TJP2: variants seen among roughly 807,000 people sequenced by gnomAD.
TJP2 encodes the protein Friedreich ataxia region gene X104 (tight junction protein ZO-2).
In TJP2, 91 loss-of-function variants were observed where a neutral mutation model predicts 133.1. That is an observed-to-expected ratio of 0.68 (90% CI 0.58 to 0.81). TJP2 has a LOEUF of 0.81. Ranked by LOEUF, TJP2 falls within the 40% of genes least tolerant of loss-of-function variation. The probability of loss-of-function intolerance (pLI) is 0.00; values close to 1 mark genes in which losing one functional copy is unlikely to be tolerated. For synonymous variants in TJP2, 592 were observed against 583.4 expected, an observed-to-expected ratio of 1.01 and a Z score of -0.21; for missense variants, 1,541 against 1,565.6, an observed-to-expected ratio of 0.98 and a Z score of 0.26.
Position 69,174,287 on chromosome 9 carries a change from C to G in TJP2, c.-86C>G, listed in dbSNP as rs1182032210. 7.7e-6 allele frequency: 12 copies of G among 1,548,830 alleles called. No homozygotes were observed. Among genetic ancestry groups the G allele is most frequent in the Non-Finnish European group, 9.6e-6 (11 of 1,146,178 alleles). On this transcript the variant is annotated 5_prime_UTR_variant, in exon 1 of 23. Transcript: ENST00000377245. ...GTTGGGCTGCGGGTCAGAGCACTGTCCGGTGGTGCCCAGGAGGAGTAGGAG... is the reference window on the plus strand; with the variant it reads ...GTTGGGCTGCGGGTCAGAGCACTGTGCGGTGGTGCCCAGGAGGAGTAGGAG...
intron 1 of TJP2, among the ~76,000 whole-genome samples, chr9:69,191,380 G>A (rs2133064186): frequency 6.6e-6 from 1 of 152,276 alleles, no homozygotes; most frequent in South Asian, 2.1e-4. Context: ...ATGTACTGTT[G>A]TGTTTCTGAG....
intron 2 of TJP2, among the ~76,000 whole-genome samples, chr9:69,163,914 G>T (rs946147301): frequency 2.0e-5 from 3 of 151,978 alleles, no homozygotes; most frequent in Non-Finnish European, 2.9e-5. Flanking sequence ...AGAATCACCT[G>T]GGGGGGCATG....
chr9:69,234,288 T>A (rs1192163250), intron 11 of TJP2, 151 bp from the exon 12 acceptor site: 1 of 656,736 alleles, frequency 1.5e-6, no homozygotes, highest in Admixed American at 3.0e-5. Context: ...AAGGACTCAT[T>A]TGCATCTTGG....
At chr9:69,213,346 C>T (rs537533129) in intron 2 of TJP2, among the ~76,000 whole-genome samples, 7 of 152,308 alleles carry the variant, frequency 4.6e-5, no homozygotes, top group East Asian at 1.9e-4. Context: ...CAGGCGTGAG[C>T]CACCGTGCCC....
In TJP2 at chr9:69,221,431, G is replaced by T; in HGVS notation, c.887G>T (p.Ser296Ile). ...SREHPHSRSPSPEPRGRPGPI... is the reference protein window; with the variant it reads ...SREHPHSRSPIPEPRGRPGPI... Reference sequence around the variant, plus strand: ...GAGCACCCGCACTCACGGAGCCCCAGCCCCGAGCCTAGGGGGCGGCCGGGG... The same window carrying T: ...GAGCACCCGCACTCACGGAGCCCCATCCCCGAGCCTAGGGGGCGGCCGGGG... The change falls in exon 5 of 23, where the codon AGC (serine) becomes ATC (isoleucine). Residue 296 changes from serine to isoleucine, a missense_variant. Transcript: ENST00000377245. 2.5e-6 allele frequency: 4 copies of T among 1,590,170 alleles called. No individual in the cohort carries two copies. The highest frequency in any genetic ancestry group is 3.4e-6 in the Non-Finnish European group (4 of 1,168,262).
At chr9:69,158,327 CAAAAAA>C (rs1156502519) in intron 2 of TJP2, among the ~76,000 whole-genome samples, 1 of 52,768 alleles carries the variant, frequency 1.9e-5, no homozygotes, top group Admixed American at 3.1e-4. Flanking sequence ...GACTTTGCCT[CAAAAAA>C]AAAAAAAAAA....
intron 1 of TJP2, among the ~76,000 whole-genome samples, chr9:69,130,753 T>C (rs1822460158): frequency 6.6e-6 from 1 of 151,998 alleles, no homozygotes; most frequent in Non-Finnish European, 1.5e-5. Context: ...TGAGGAATAC[T>C]GTGGGGAGGG....
chr9:69,139,519 C>A (rs192682488), intron 1 of TJP2, among the ~76,000 whole-genome samples: 1 of 152,150 alleles, frequency 6.6e-6, no homozygotes, highest in African/African-American at 2.4e-5. Context: ...TGGCCTGGAG[C>A]AGCTCCTTCC....
At chr9:69,159,894 C>CATAT (rs201741382) in intron 2 of TJP2, among the ~76,000 whole-genome samples, 1 of 58,804 alleles carries the variant, frequency 1.7e-5, no homozygotes, top group Non-Finnish European at 3.7e-5. Context: ...GAAATATATA[C>CATAT]ATATATATAT....
chr9:69,177,102 A>G (rs1282036574), intron 1 of TJP2, among the ~76,000 whole-genome samples: 1 of 152,214 alleles, frequency 6.6e-6, no homozygotes. Context: ...AGTTGTGGCT[A>G]CAGATGAATT....
chr9:69,226,838 T>C (rs1182846946), intron 7 of TJP2, among the ~76,000 whole-genome samples: 5 of 152,188 alleles, frequency 3.3e-5, no homozygotes, highest in African/African-American at 4.8e-5. Flanking sequence ...ATATCTCTAA[T>C]AGAGAAGACA....
chr9:69,159,696 G>T (rs1367308233), intron 2 of TJP2, among the ~76,000 whole-genome samples: 1 of 151,884 alleles, frequency 6.6e-6, no homozygotes, highest in East Asian at 1.9e-4. Context: ...GGCTAACACG[G>T]TGAAACCCCG....
intron 11 of TJP2, among the ~76,000 whole-genome samples, chr9:69,230,450 G>A (rs1829688902): frequency 6.6e-6 from 1 of 152,222 alleles, no homozygotes; most frequent in Admixed American, 6.5e-5. Context: ...AGAACTGATA[G>A]TGTTTCTGCC....
intron 1 of TJP2, among the ~76,000 whole-genome samples, chr9:69,123,006 C>T (rs114241970): frequency 0.011 from 1,606 of 152,262 alleles, 36 homozygotes; most frequent in African/African-American, 0.036. Flanking sequence ...GGGTGCATTA[C>T]CTGTCGACCT....
At chr9:69,225,192 C>CCATAT (rs1235800268) in intron 5 of TJP2, 112 bp from the exon 6 acceptor site, 9 of 720,338 alleles carry the variant, frequency 1.2e-5, no homozygotes, top group Non-Finnish European at 1.9e-5. Flanking sequence ...ACAGAATTTC[C>CCATAT]CATATACAAA....
chr9:69,166,781 T>A (rs993276881), intron 2 of TJP2, among the ~76,000 whole-genome samples: 1 of 152,124 alleles, frequency 6.6e-6, no homozygotes, highest in Non-Finnish European at 1.5e-5. Flanking sequence ...ATATATTTTT[T>A]AAAAAATTAG....
chr9:69,242,441 C>T (rs1160310409), intron 17 of TJP2, among the ~76,000 whole-genome samples: 1 of 152,212 alleles, frequency 6.6e-6, no homozygotes, highest in Non-Finnish European at 1.5e-5. Context: ...CAAGCCATTT[C>T]TTGCCTAAAC....
intron 1 of TJP2, among the ~76,000 whole-genome samples, chr9:69,208,224 A>AT (rs957436534): frequency 6.6e-6 from 1 of 152,184 alleles, no homozygotes; most frequent in African/African-American, 2.4e-5. Context: ...TTCCTTTACA[A>AT]TTAAGATTTT....
intron 2 of TJP2, among the ~76,000 whole-genome samples, chr9:69,215,176 G>A (rs967228314): frequency 2.0e-5 from 3 of 152,162 alleles, no homozygotes; most frequent in African/African-American, 7.2e-5. Context: ...AGTACGGAGG[G>A]AGGGAGAGGA....
Sources: allele counts gnomAD v4.1 joint callset (sites outside exome capture counted in the v4.1 genomes callset), GRCh38; gene constraint gnomAD v4.1.1; transcripts MANE v1.5; gene names NCBI Gene and HGNC (gene_info 2026-07-23, HGNC 2026-07-21).